PDE8A: variants seen among roughly 807,000 people sequenced by gnomAD.
PDE8A encodes high affinity cAMP-specific and IBMX-insensitive 3',5'-cyclic phosphodiesterase 8A.
A neutral mutation model predicts 105.0 loss-of-function variants in PDE8A; 59 were observed. The observed-to-expected ratio is 0.56, with a 90% CI of 0.46 to 0.70. The LOEUF is 0.70. Among genes scored for constraint, PDE8A ranks in the 30% least tolerant of loss-of-function variants. The pLI, the probability that PDE8A is intolerant of heterozygous loss-of-function variation, is 0.00. For synonymous variants in PDE8A, 355 were observed against 371.9 expected (o/e 0.95, Z 0.52); for missense variants, 1,014 against 1,045.9 (o/e 0.97, Z 0.42).
intron 1 of PDE8A, among the ~76,000 whole-genome samples, chr15:85,050,826 G>A (rs1377664216): frequency 6.6e-6 from 1 of 151,932 alleles, no homozygotes; most frequent in African/African-American, 2.4e-5. Context: ...TTTTAGAATG[G>A]GTTTTTCTGT....
At chr15:85,082,198 C>T (rs746282888) in intron 5 of PDE8A, among the ~76,000 whole-genome samples, 1 of 151,458 alleles carries the variant, frequency 6.6e-6, no homozygotes, top group Non-Finnish European at 1.5e-5. Context: ...CCTTCTCAGT[C>T]GGTGGGAGCT....
At position 85,064,438 on chromosome 15, in the gene PDE8A, C is replaced by T. The variant is rs771987631; in HGVS notation, c.243+12C>T. On this transcript the variant is annotated intron_variant, in intron 2 of 21. Coordinates refer to ENST00000394553, the MANE Select transcript of PDE8A (RefSeq NM_002605.3). ...AAGATCAACTTCAGGTAATAATGAA[C>T]GATGCTGTATTTTTCACATGCTGAT... The T allele has an allele frequency of 1.3e-5, 20 of 1,581,786 alleles. No homozygotes were observed. The highest frequency in any genetic ancestry group is 1.7e-4 in the Middle Eastern group (1 of 5,988).
chr15:85,055,318 T>C (rs1214691057), intron 1 of PDE8A, among the ~76,000 whole-genome samples: 1 of 152,224 alleles, frequency 6.6e-6, no homozygotes, highest in Non-Finnish European at 1.5e-5. Context: ...TGTAGATGTC[T>C]ATTAGGTCTG....
chr15:84,995,222 A>G lies in PDE8A; in HGVS notation c.186+12874A>G, dbSNP rs774756317. Among the ~76,000 whole-genome samples the G allele has an allele frequency of 8.5e-5, 13 of 152,240 alleles. No homozygotes were observed. The East Asian group carries it at 9.7e-4, about 11-fold the overall frequency. ...GTTTCATTATGCTCCTTATTGGACA[A>G]TCTCTTCTTGCAACCACCCTTCTGA... is the stretch of plus-strand genomic sequence containing the variant. On this transcript the variant is annotated intron_variant, in intron 1 of 21. Coordinates refer to ENST00000394553, the MANE Select transcript of PDE8A (RefSeq NM_002605.3).
chr15:85,109,223 C>A, intron 12 of PDE8A, 93 bp downstream of exon 12: 1 of 762,172 alleles, frequency 1.3e-6, no homozygotes, highest in Non-Finnish European at 2.2e-6. Context: ...TCCTGTCTAC[C>A]TCCAATTCTT....
chr15:84,984,390 C>T (rs771901634), intron 1 of PDE8A, among the ~76,000 whole-genome samples: 6 of 152,120 alleles, frequency 3.9e-5, no homozygotes. Context: ...ATTAACTATG[C>T]TCTGGAAATT....
intron 20 of PDE8A, among the ~76,000 whole-genome samples, chr15:85,134,114 C>A (rs1187997316): frequency 6.6e-6 from 1 of 152,332 alleles, no homozygotes; most frequent in South Asian, 2.1e-4. Flanking sequence ...CCTGGACGTT[C>A]CATGCACTTG....
At chr15:85,022,832 C>T (rs1228038827) in intron 1 of PDE8A, among the ~76,000 whole-genome samples, 1 of 151,994 alleles carries the variant, frequency 6.6e-6, no homozygotes, top group South Asian at 2.1e-4. Flanking sequence ...GGATTACAGG[C>T]GTGAGCCACC....
intron 1 of PDE8A, chr15:85,063,562 C>A (rs1211428278): frequency 6.6e-6 from 1 of 152,190 alleles, no homozygotes; most frequent in African/African-American, 2.4e-5. Context: ...GAGTTTACAG[C>A]ACAGTGTATG....
intron 16 of PDE8A, chr15:85,116,379 A>G: frequency 4.4e-6 from 2 of 459,310 alleles, no homozygotes; most frequent in Non-Finnish European, 7.8e-6. Flanking sequence ...TTTTCTGTGA[A>G]ATAAAGGTAT....
At chr15:85,056,473 C>T (rs1567254322) in intron 1 of PDE8A, among the ~76,000 whole-genome samples, 1 of 152,202 alleles carries the variant, frequency 6.6e-6, no homozygotes, top group African/African-American at 2.4e-5. Flanking sequence ...GATCTTTTTA[C>T]ATAGTCCCAC....
intron 1 of PDE8A, among the ~76,000 whole-genome samples, chr15:85,031,825 C>T (rs894905086): frequency 6.6e-6 from 1 of 152,108 alleles, no homozygotes; most frequent in African/African-American, 2.4e-5. Flanking sequence ...TTACTGGCTG[C>T]CTCTAGTTTC....
chr15:85,118,624 C>T (rs1453918539), intron 17 of PDE8A, among the ~76,000 whole-genome samples: 2 of 152,246 alleles, frequency 1.3e-5, no homozygotes, highest in Non-Finnish European at 2.9e-5. Context: ...TCTCCACACT[C>T]ACCTCAACAA....
chr15:85,033,726 G>A (rs541952429), intron 1 of PDE8A, among the ~76,000 whole-genome samples: 27 of 152,252 alleles, frequency 1.8e-4, no homozygotes, highest in South Asian at 2.1e-4. Context: ...TTAGCTGGGC[G>A]TGGTGGCGGG....
At chr15:85,025,586 C>T (rs2080503066) in intron 1 of PDE8A, among the ~76,000 whole-genome samples, 1 of 152,156 alleles carries the variant, frequency 6.6e-6, no homozygotes, top group African/African-American at 2.4e-5. Flanking sequence ...TCTTATCATC[C>T]CCCCTCTTTT....
In PDE8A at chr15:85,120,967, G is replaced by T. The variant is rs773439399; in HGVS notation, c.1905G>T (p.Gln635His). ...LESHHAALAF[Q>H]LTTGDDKCNI... ...GCCACCATGCGGCCTTGGCCTTCCA[G>T]CTGACCACTGGAGATGATAAATGCA... is the stretch of plus-strand genomic sequence containing the variant. Residue 635 changes from glutamine to histidine, a missense_variant, in exon 18 of 22, where the codon CAG (glutamine) becomes CAT (histidine). By Grantham distance (24) the Gln-to-His change is conservative (BLOSUM62 0). Coordinates refer to ENST00000394553, the MANE Select transcript of PDE8A (RefSeq NM_002605.3). The T allele has an allele frequency of 3.7e-6, 6 of 1,613,932 alleles. No individual in the cohort carries two copies. Among genetic ancestry groups the T allele is most frequent in the Non-Finnish European group, 4.2e-6 (5 of 1,179,908 alleles).
rs779390541 is a variant in PDE8A at position 85,100,156 on chromosome 15, G to A, written c.994G>A (p.Ala332Thr). The A allele has an allele frequency of 6.2e-6, 10 of 1,613,854 alleles. No homozygotes were observed. In the African/African-American group the frequency reaches 8.0e-5, roughly 13 times the overall value. The change falls in exon 11 of 22, where the codon GCT becomes ACT. Residue 332 changes from alanine to threonine, a missense_variant and splice_region_variant. Physicochemically the swap from Ala to Thr is moderately conservative, Grantham distance 58. Transcript: ENST00000394553. The part of the protein sequence containing the change: ...IIRVCNGNNK[A>T]EKISECVQSD... ...AATGGCTTTTAAAATTCACTTTTAG[G>A]CTGAGAAAATATCCGAATGTGTTCA... is the stretch of plus-strand genomic sequence containing the variant.
At chr15:85,089,947 T>C (rs552378459) in intron 7 of PDE8A, among the ~76,000 whole-genome samples, 1 of 152,376 alleles carries the variant, frequency 6.6e-6, no homozygotes, top group East Asian at 1.9e-4. Flanking sequence ...GCTTAATGTT[T>C]TCAGATAACA....
At chr15:85,102,574 C>T (rs1481165055) in intron 11 of PDE8A, among the ~76,000 whole-genome samples, 2 of 151,602 alleles carry the variant, frequency 1.3e-5, no homozygotes, top group African/African-American at 2.4e-5. Flanking sequence ...GACGCAGTGG[C>T]TCACACCTGT....
Sources: gnomAD v4.1 joint callset for allele counts (sites outside exome capture counted in the v4.1 genomes callset) on GRCh38, gnomAD v4.1.1 for gene constraint, MANE v1.5 for transcripts, NCBI Gene and HGNC (gene_info 2026-07-23, HGNC 2026-07-21) for gene names.